The following HECW1 variants were observed in gnomAD, a reference collection of about 807,000 sequenced individuals.
The protein encoded by HECW1 is HECT, C2 and WW domain containing E3 ubiquitin protein ligase 1, also known as E3 ubiquitin-protein ligase HECW1.
A neutral mutation model predicts 182.3 loss-of-function variants in HECW1; 61 were observed. That is an observed-to-expected ratio of 0.33 (90% CI 0.27 to 0.41). HECW1 has a LOEUF of 0.41. Ranked by LOEUF, HECW1 falls within the 10% of genes least tolerant of loss-of-function variation. The pLI is 1.00. For synonymous variants in HECW1, 859 were observed against 832.6 expected, an observed-to-expected ratio of 1.03 and a Z score of -0.55; for missense variants, 1,739 against 2,108.9, an observed-to-expected ratio of 0.82 and a Z score of 3.44.
Position 43,445,350 on chromosome 7 carries a change from G to T in HECW1, c.2178G>T (p.Lys726Asn). 6.2e-7 allele frequency: 1 copy of T among 1,613,794 alleles called. No individual in the cohort carries two copies. Among genetic ancestry groups the T allele is most frequent in the Non-Finnish European group, 8.5e-7 (1 of 1,180,034 alleles). The change falls in exon 11 of 30, where the codon AAG becomes AAT. Residue 726 changes from lysine (K) to asparagine (N), a missense_variant. By Grantham distance (94) the Lys-to-Asn change is moderately conservative. Around this residue, in one of 5 missense-constraint regions of HECW1, gnomAD observed 971 missense variants for 1,029.1 expected, o/e 0.94. Coordinates refer to ENST00000395891, the MANE Select transcript of HECW1 (RefSeq NM_015052.5). ...GCTTCTCCTCCGTGGACAGCGCCAA[G>T]ATCTCCGAGAGCACGGTCTTCTCCT... ...HTRFSSVDSA[K>N]ISESTVFSSQ...
intron 3 of HECW1, among the ~76,000 whole-genome samples, chr7:43,282,507 A>G (rs1475906478): frequency 6.6e-6 from 1 of 152,264 alleles, no homozygotes; most frequent in South Asian, 2.1e-4. Flanking sequence ...TGCCAGGCCC[A>G]GAGCAGAGCA....
chr7:43,549,886 A>G (rs1340881220), intron 26 of HECW1, among the ~76,000 whole-genome samples: 2 of 152,226 alleles, frequency 1.3e-5, no homozygotes, highest in Non-Finnish European at 2.9e-5. Context: ...CAGCTTCACC[A>G]TTAGGGACAA....
chr7:43,286,683 C>T (rs914851232), intron 3 of HECW1, among the ~76,000 whole-genome samples: 1 of 152,072 alleles, frequency 6.6e-6, no homozygotes, highest in African/African-American at 2.4e-5. Context: ...CCCACCCCCC[C>T]AAAGGTGTTT....
chr7:43,307,891 TATATAC>T (rs1313710074), intron 3 of HECW1, among the ~76,000 whole-genome samples: 1 of 66,182 alleles, frequency 1.5e-5, no homozygotes, highest in Non-Finnish European at 3.4e-5. Context: ...TATATATATA[TATATAC>T]ACATATATAT....
chr7:43,230,263 G>A (rs1391282448), intron 2 of HECW1, among the ~76,000 whole-genome samples: 3 of 152,082 alleles, frequency 2.0e-5, no homozygotes, highest in East Asian at 1.9e-4. Context: ...GCATGGTGGC[G>A]GGTACCTATA....
chr7:43,201,856 G>C (rs1427846669), intron 2 of HECW1, among the ~76,000 whole-genome samples: 3 of 152,160 alleles, frequency 2.0e-5, no homozygotes, highest in African/African-American at 7.2e-5. Context: ...AAAGAAAAAT[G>C]CCTAAATGTC....
intron 8 of HECW1, among the ~76,000 whole-genome samples, chr7:43,416,014 C>T (rs1241576538): frequency 2.0e-5 from 3 of 150,472 alleles, no homozygotes; most frequent in African/African-American, 7.4e-5. Context: ...CGTCTGAAGC[C>T]TTCTTCTCTC....
At chr7:43,461,744 G>T (rs2077591021) in intron 13 of HECW1, among the ~76,000 whole-genome samples, 1 of 152,166 alleles carries the variant, frequency 6.6e-6, no homozygotes, top group African/African-American at 2.4e-5. Context: ...CCACCACTCA[G>T]CTCATTGCCC....
intron 5 of HECW1, among the ~76,000 whole-genome samples, chr7:43,340,123 TTG>T (rs1295867168): frequency 6.6e-6 from 1 of 151,902 alleles, no homozygotes; most frequent in Non-Finnish European, 1.5e-5. Context: ...TGGAAACATT[TTG>T]TTTTAAAATC....
At chr7:43,395,796 C>A (rs1353581892) in intron 6 of HECW1, among the ~76,000 whole-genome samples, 1 of 152,140 alleles carries the variant, frequency 6.6e-6, no homozygotes, top group African/African-American at 2.4e-5. Context: ...GCTGTGAGCC[C>A]TGTGATGCCC....
intron 5 of HECW1, among the ~76,000 whole-genome samples, chr7:43,350,996 G>T (rs1245080694): frequency 6.6e-6 from 1 of 152,194 alleles, no homozygotes; most frequent in Non-Finnish European, 1.5e-5. Context: ...ATTTGGGTAG[G>T]CTCTATCAGA....
chr7:43,317,819 G>T (rs1002097664), intron 4 of HECW1, among the ~76,000 whole-genome samples: 9 of 138,148 alleles, frequency 6.5e-5, no homozygotes, highest in Non-Finnish European at 1.3e-4. Flanking sequence ...TTGTGTGTGT[G>T]TGTGTGTGTG....
At position 43,254,171 on chromosome 7, in the gene HECW1, G is replaced by A. The variant is rs986483626; in HGVS notation, c.27+10239G>A. On this transcript the variant is annotated intron_variant, in intron 3 of 29. Coordinates refer to ENST00000395891, the MANE Select transcript of HECW1 (RefSeq NM_015052.5). ...TTAGATGAACAATTGCCTGGGAAGC[G>A]TCTTTGTTTCCTGAGTCAGGCTCCA... Among the ~76,000 whole-genome samples the A allele has an allele frequency of 5.9e-5, 9 of 152,280 alleles. No individual in the cohort carries two copies. In the South Asian group the frequency reaches 6.2e-4, roughly 11 times the overall value.
rs1562687839 is a variant in HECW1 at position 43,216,585 on chromosome 7, C to T, written c.-31-27290C>T. ...TTGCCTGGTACTGCTCCCCAGATGCCGTGTTAGCCCCAGGGACAAAAGTCT... is the reference window on the plus strand; with the variant it reads ...TTGCCTGGTACTGCTCCCCAGATGCTGTGTTAGCCCCAGGGACAAAAGTCT... On this transcript the variant is annotated intron_variant, in intron 2 of 29. Transcript: ENST00000395891. 3.9e-5 allele frequency among the ~76,000 whole-genome samples: 6 copies of T among 152,032 alleles called. No individual in the cohort carries two copies. The South Asian group carries it at 6.2e-4, about 16-fold the overall frequency.
chr7:43,416,592 G>T (rs1201830620), intron 8 of HECW1, among the ~76,000 whole-genome samples: 4 of 151,518 alleles, frequency 2.6e-5, no homozygotes, highest in Admixed American at 6.6e-5. Context: ...GTTTACCTAA[G>T]CAAGCCTGGG....
intron 2 of HECW1, among the ~76,000 whole-genome samples, chr7:43,130,159 A>G (rs917148366): frequency 6.6e-6 from 1 of 152,178 alleles, no homozygotes; most frequent in Non-Finnish European, 1.5e-5. Context: ...TCATTTAGCA[A>G]TATATTAGAT....
At chr7:43,370,483 A>G (rs1817193449) in intron 6 of HECW1, among the ~76,000 whole-genome samples, 1 of 152,238 alleles carries the variant, frequency 6.6e-6, no homozygotes, top group South Asian at 2.1e-4. Flanking sequence ...CATATGATTC[A>G]GCAATCTCAC....
chr7:43,400,844 C>G (rs1166225695), intron 7 of HECW1, among the ~76,000 whole-genome samples: 2 of 152,298 alleles, frequency 1.3e-5, no homozygotes, highest in East Asian at 3.9e-4. Context: ...AAGCTGTCAG[C>G]CAGGCTGGTT....
intron 3 of HECW1, among the ~76,000 whole-genome samples, chr7:43,254,869 C>T (rs1800399991): frequency 1.3e-5 from 2 of 152,218 alleles, no homozygotes; most frequent in African/African-American, 2.4e-5. Flanking sequence ...CCCTAACCTT[C>T]TTTTATGTCA....
Sources: gnomAD v4.1 joint callset for allele counts (sites outside exome capture counted in the v4.1 genomes callset) on GRCh38, gnomAD v4.1.1 for gene constraint, gnomAD v4.1.1 regional missense constraint, MANE v1.5 for transcripts, NCBI Gene and HGNC (gene_info 2026-07-23, HGNC 2026-07-21) for gene names.